DCC: variants seen among roughly 807,000 people sequenced by gnomAD.
The protein encoded by DCC is DCC netrin 1 receptor.
DCC carries 58 observed loss-of-function variants against 172.5 expected under a neutral mutation model. The observed-to-expected ratio is 0.34, with a 90% confidence interval of 0.27 to 0.42. The LOEUF is 0.42. Among genes scored for constraint, DCC ranks in the 10% least tolerant of loss-of-function variants. The pLI is 1.00. For synonymous variants in DCC, 709 were observed against 644.5 expected (o/e 1.10, Z -1.52); for missense variants, 1,740 against 1,791.0 (o/e 0.97, Z 0.51).
At chr18:52,989,163 G>A (rs2041342012) in intron 5 of DCC, among the ~76,000 whole-genome samples, 1 of 151,912 alleles carries the variant, frequency 6.6e-6, no homozygotes, top group Non-Finnish European at 1.5e-5. Flanking sequence ...TAATACTTCA[G>A]ATTATAGTTT....
At chr18:52,481,330 T>G (rs1465407690) in intron 1 of DCC, among the ~76,000 whole-genome samples, 1 of 149,840 alleles carries the variant, frequency 6.7e-6, no homozygotes, top group Non-Finnish European at 1.5e-5. Flanking sequence ...TTGGCCACCT[T>G]CCGGCTGTCA....
intron 2 of DCC, among the ~76,000 whole-genome samples, chr18:52,779,535 T>C (rs1406032743): frequency 6.6e-6 from 1 of 152,264 alleles, no homozygotes; most frequent in Admixed American, 6.5e-5. Context: ...TGTTGCATTT[T>C]CTTTATCCAG....
chr18:53,165,737 T>C (rs2054908780), intron 8 of DCC, among the ~76,000 whole-genome samples: 3 of 152,156 alleles, frequency 2.0e-5, no homozygotes, highest in Non-Finnish European at 2.9e-5. Context: ...TGAATGTGAG[T>C]TGACTATATG....
chr18:52,656,002 GTATA>G (rs72182535), intron 1 of DCC, among the ~76,000 whole-genome samples: 2 of 131,080 alleles, frequency 1.5e-5, no homozygotes, highest in South Asian at 5.3e-4. Flanking sequence ...ATATATGTGC[GTATA>G]TATATATGTG....
At chr18:52,848,171 C>T (rs2038924784) in intron 2 of DCC, among the ~76,000 whole-genome samples, 1 of 150,962 alleles carries the variant, frequency 6.6e-6, no homozygotes, top group African/African-American at 2.4e-5. Flanking sequence ...CTGCAACCTC[C>T]GCCTCCCAGG....
chr18:52,929,817 A>AACACACACAC (rs34457182), intron 5 of DCC, among the ~76,000 whole-genome samples: 2,820 of 144,796 alleles, frequency 0.019, 46 homozygotes, highest in Non-Finnish European at 0.028. Flanking sequence ...GGACTTTGCA[A>AACACACACAC]ACACACACAC....
chr18:52,570,125 C>T (rs1230805277), intron 1 of DCC, among the ~76,000 whole-genome samples: 3 of 152,116 alleles, frequency 2.0e-5, no homozygotes, highest in Non-Finnish European at 4.4e-5. Context: ...TTATTAAGCG[C>T]ATTTTATTTA....
intron 9 of DCC, among the ~76,000 whole-genome samples, chr18:53,195,710 C>T (rs2055433667): frequency 6.6e-6 from 1 of 151,858 alleles, no homozygotes; most frequent in African/African-American, 2.4e-5. Flanking sequence ...TCGTCGGATT[C>T]ATCCTTCATT....
intron 1 of DCC, among the ~76,000 whole-genome samples, chr18:52,500,269 A>T (rs1366365176): frequency 6.6e-6 from 1 of 152,144 alleles, no homozygotes; most frequent in Non-Finnish European, 1.5e-5. Flanking sequence ...ACCTCAAGTC[A>T]GGGGAGCAAG....
At chr18:53,499,577 G>C (rs2046071131) in intron 27 of DCC, 67 bp downstream of exon 27, 1 of 1,331,576 alleles carries the variant, frequency 7.5e-7, no homozygotes, top group Admixed American at 1.7e-5. Context: ...AAGTGCATGA[G>C]GGTGCTTGAG....
chr18:53,079,450 A>G (rs2042768162), intron 7 of DCC, among the ~76,000 whole-genome samples: 2 of 152,136 alleles, frequency 1.3e-5, no homozygotes, highest in Non-Finnish European at 2.9e-5. Context: ...TTGCTTTTCT[A>G]GATCAAGAAA....
At chr18:53,259,974 C>T (rs2056574384) in intron 12 of DCC, among the ~76,000 whole-genome samples, 2 of 152,162 alleles carry the variant, frequency 1.3e-5, no homozygotes, top group Admixed American at 1.3e-4. Context: ...CACTGATACC[C>T]TTTCTTCCAG....
At chr18:52,497,783 G>A (rs2030860221) in intron 1 of DCC, among the ~76,000 whole-genome samples, 1 of 152,054 alleles carries the variant, frequency 6.6e-6, no homozygotes, top group African/African-American at 2.4e-5. Flanking sequence ...TCACCACGGG[G>A]AGCTTGATAG....
At chr18:52,819,821 C>T (rs971966002) in intron 2 of DCC, among the ~76,000 whole-genome samples, 1 of 151,924 alleles carries the variant, frequency 6.6e-6, no homozygotes, top group Admixed American at 6.6e-5. Context: ...TGGGTTCATG[C>T]CATTCTCCTG....
At chr18:52,363,256 G>C (rs1034561380) in intron 1 of DCC, among the ~76,000 whole-genome samples, 7 of 152,190 alleles carry the variant, frequency 4.6e-5, no homozygotes, top group Non-Finnish European at 8.8e-5. Flanking sequence ...TCTGTATTCA[G>C]ACCAGGTTCA....
intron 2 of DCC, among the ~76,000 whole-genome samples, chr18:52,786,588 T>C (rs2037665030): frequency 6.6e-6 from 1 of 152,148 alleles, no homozygotes; most frequent in Non-Finnish European, 1.5e-5. Flanking sequence ...TGGATTGGCT[T>C]AGATGGAACT....
chr18:52,873,262 T>C (rs1336524591), intron 2 of DCC, among the ~76,000 whole-genome samples: 1 of 152,138 alleles, frequency 6.6e-6, no homozygotes. Context: ...TACCTCCCAG[T>C]AAACAGTGTA....
intron 2 of DCC, among the ~76,000 whole-genome samples, chr18:52,873,131 C>T (rs1442525338): frequency 6.6e-6 from 1 of 152,036 alleles, no homozygotes; most frequent in African/African-American, 2.4e-5. Context: ...ATATCTTTAC[C>T]TTCCCACAAG....
intron 1 of DCC, among the ~76,000 whole-genome samples, chr18:52,418,772 C>T (rs1240415953): frequency 2.0e-5 from 3 of 151,714 alleles, no homozygotes; most frequent in East Asian, 1.9e-4. Flanking sequence ...CCTAGGATGA[C>T]GACAATGTTG....
Sources: gnomAD v4.1 joint callset for allele counts (sites outside exome capture counted in the v4.1 genomes callset) on GRCh38, gnomAD v4.1.1 for gene constraint, MANE v1.5 for transcripts, NCBI Gene and HGNC (gene_info 2026-07-23, HGNC 2026-07-21) for gene names.